SPTAN1: variants seen among roughly 807,000 people sequenced by gnomAD.
SPTAN1 encodes the protein spectrin alpha, non-erythrocytic 1, also known as spectrin alpha chain, non-erythrocytic 1.
A neutral mutation model predicts 331.3 loss-of-function variants in SPTAN1; 61 were observed. The observed-to-expected ratio is 0.18, with a 90% CI of 0.15 to 0.23. The LOEUF is 0.23. Among genes scored for constraint, SPTAN1 ranks in the 10% least tolerant of loss-of-function variants. The pLI is 1.00. For missense variants in SPTAN1, 2,043 were observed against 3,147.9 expected, an observed-to-expected ratio of 0.65 and a Z score of 8.40; for synonymous variants, 1,153 against 1,173.9, an observed-to-expected ratio of 0.98 and a Z score of 0.36.
At chr9:128,624,109 AAAAG>A (rs1371611617) in intron 45 of SPTAN1, among the ~76,000 whole-genome samples, 18 of 145,702 alleles carry the variant, frequency 1.2e-4, no homozygotes, top group Admixed American at 1.1e-3. Flanking sequence ...AAAAAAAAAA[AAAAG>A]AATTCCTAAA....
At chr9:128,554,818 C>G (rs1040208655) in intron 1 of SPTAN1, among the ~76,000 whole-genome samples, 1 of 152,252 alleles carries the variant, frequency 6.6e-6, no homozygotes, top group African/African-American at 2.4e-5. Flanking sequence ...ACCATCACCT[C>G]TCTTCCACCT....
rs774280374 is a variant in SPTAN1, at chr9:128,607,493, A to T, written c.4047-111A>T. ...CTAGCCTCATTCAGTAGATCAGATT[A>T]ACCCAAGATAACTTTCTGAGGCAAG... On this transcript the variant is annotated intron_variant, in intron 31 of 56. Transcript: ENST00000372739. The T allele has an allele frequency of 1.4e-4, 130 of 950,462 alleles. 1 individual carries two copies. Among genetic ancestry groups the T allele is most frequent in the Non-Finnish European group, 2.1e-4 (124 of 582,964 alleles). The allele number at this position is 950,462 out of a possible 1,614,324, so 58.9% of individuals were successfully genotyped here.
In SPTAN1 at chr9:128,585,674, A is replaced by G. The variant is rs1852511415; in HGVS notation, c.2561-74A>G. ...TAATGAAAGTGCCGTGAACACACAG[A>G]GAAAACTTATTTTTGTCCTTCTGTG... On this transcript the variant is annotated intron_variant, in intron 18 of 56. Transcript: ENST00000372739. The G allele has an allele frequency of 2.3e-6, 3 of 1,288,228 alleles. No individual in the cohort carries two copies. In the South Asian group the frequency reaches 3.6e-5, roughly 15 times the overall value. The allele number at this position is 1,288,228 out of a possible 1,614,324, so 79.8% of individuals were successfully genotyped here.
rs771973581 is a variant in SPTAN1, at chr9:128,624,313, C to T, written c.5833-15C>T. ...AGGTAAGGCTGACCAGTGTGTGCCTCTCTCCATGGCCTAGAACAATCACCA... is the reference window on the plus strand; with the variant it reads ...AGGTAAGGCTGACCAGTGTGTGCCTTTCTCCATGGCCTAGAACAATCACCA... On this transcript the variant is annotated splice_polypyrimidine_tract_variant and intron_variant, in intron 45 of 56. Transcript: ENST00000372739. 6.2e-7 allele frequency: 1 copy of T among 1,613,732 alleles called. No individual in the cohort carries two copies.
In SPTAN1 at chr9:128,632,985, T is replaced by C. The variant is rs138965195; in HGVS notation, c.7308+30T>C. 1.2e-3 allele frequency: 1,996 copies of C among 1,607,764 alleles called. 19 individuals are homozygous for C. In the African/African-American group the frequency reaches 0.022, roughly 18 times the overall value. ...GGGCCTCAGGAGGTGGGTGAAGAGG[T>C]GTCCTTTGGAAAACTAAAGCCAAAT... On this transcript the variant is annotated intron_variant, in intron 56 of 56. Transcript: ENST00000372739.
At chr9:128,595,650 C>G (rs954878483) in intron 24 of SPTAN1, among the ~76,000 whole-genome samples, 3 of 152,056 alleles carry the variant, frequency 2.0e-5, no homozygotes, top group African/African-American at 7.2e-5. Context: ...ACCTCTAGTT[C>G]CGAAACATTT....
chr9:128,583,570 C>T (rs1473787423), intron 15 of SPTAN1, among the ~76,000 whole-genome samples: 1 of 152,146 alleles, frequency 6.6e-6, no homozygotes, highest in Non-Finnish European at 1.5e-5. Flanking sequence ...ACTAATTCTC[C>T]AGTGTCCTTA....
chr9:128,575,783 G>A (rs573871245), intron 5 of SPTAN1, among the ~76,000 whole-genome samples: 1 of 152,252 alleles, frequency 6.6e-6, no homozygotes, highest in East Asian at 1.9e-4. Context: ...GTCGTGAATA[G>A]GCTCTCCACT....
chr9:128,624,556 G>A, intron 46 of SPTAN1, 69 bp downstream of exon 46: 10 of 1,572,372 alleles, frequency 6.4e-6, no homozygotes, highest in Non-Finnish European at 7.8e-6. Flanking sequence ...CGTGTCATTG[G>A]TTTTCTTCTG....
chr9:128,616,953 T>C (rs992583534), intron 41 of SPTAN1, among the ~76,000 whole-genome samples: 4 of 151,820 alleles, frequency 2.6e-5, no homozygotes, highest in Non-Finnish European at 5.9e-5. Flanking sequence ...ATATTACTTA[T>C]ATAGCTGGGT....
rs148191896 is a variant in SPTAN1, at chr9:128,608,453, G to GA, written c.4491+177_4491+178insA. Among the ~76,000 whole-genome samples the GA allele has an allele frequency of 2.8e-3, 429 of 152,092 alleles. 10 individuals carry two copies. The East Asian group carries it at 0.041, about 14-fold the overall frequency. On this transcript the variant is annotated intron_variant, in intron 34 of 56. Transcript: ENST00000372739. ...TGGTATTTCTGAGATTTTAATAATG[G>GA]GGGTGCCACAGGAAAAAAAAATATT...
intron 1 of SPTAN1, among the ~76,000 whole-genome samples, chr9:128,560,815 G>A (rs1849230929): frequency 1.4e-5 from 2 of 147,958 alleles, no homozygotes; most frequent in East Asian, 4.3e-4. Flanking sequence ...AGGTCAGTTC[G>A]AGACCAGTCT....
intron 31 of SPTAN1, among the ~76,000 whole-genome samples, chr9:128,606,508 G>A (rs13302706): frequency 0.81 from 118,457 of 146,088 alleles, 48,934 homozygotes; most frequent in Non-Finnish European, 0.9. Flanking sequence ...GGGGGGGGAA[G>A]CGTTTCGCTT....
rs1259396682 is a variant in SPTAN1, at chr9:128,612,159, A to G, written c.4956A>G (p.Ser1652=). 2.5e-6 allele frequency: 4 copies of G among 1,614,116 alleles called. No homozygotes were observed. The highest frequency in any genetic ancestry group is 1.3e-5 in the African/African-American group (1 of 75,020). The change falls in exon 39 of 57, where the codon TCA becomes TCG. Residue 1652 remains serine, a synonymous_variant. Coordinates refer to ENST00000372739, the MANE Select transcript of SPTAN1 (RefSeq NM_001130438.3). ...AGTGGCAGTTCTTGGTGCAAAAGTC[A>G]GCGGAAAAGAGCCAGAAACTGAAAG... is the stretch of plus-strand genomic sequence containing the variant. ...ADQWQFLVQK[S]AEKSQKLKEA... is the part of the protein sequence containing the mutation.
intron 21 of SPTAN1, 141 bp from the exon 22 acceptor site, chr9:128,591,336 G>C: frequency 9.7e-7 from 1 of 1,035,792 alleles, no homozygotes; most frequent in East Asian, 2.5e-5. Flanking sequence ...AAAGTGCTGG[G>C]ATTATAGGTG....
chr9:128,610,008 G>A (rs545486328), intron 37 of SPTAN1, among the ~76,000 whole-genome samples: 2 of 152,304 alleles, frequency 1.3e-5, no homozygotes, highest in Admixed American at 1.3e-4. Flanking sequence ...TTTCTGTGTA[G>A]ACATTGGCTC....
intron 3 of SPTAN1, among the ~76,000 whole-genome samples, chr9:128,573,022 A>G (rs555480308): frequency 2.0e-5 from 3 of 152,094 alleles, no homozygotes; most frequent in South Asian, 2.1e-4. Flanking sequence ...TGACTGTCAC[A>G]TGGTTTTCAG....
At position 128,629,744 on chromosome 9, in the gene SPTAN1, G is replaced by C. The variant is rs1859383823; in HGVS notation, c.6708-577G>C. On this transcript the variant is annotated intron_variant, in intron 51 of 56. Coordinates refer to ENST00000372739, the MANE Select transcript of SPTAN1 (RefSeq NM_001130438.3). This position sits in a 1 kb window ranked among gnomAD's most constrained non-coding sequence, Gnocchi z 4.9. ...CTAGAGGATGGAACCGGGATCTGGG[G>C]TTTAGTCACAGCCATCTCTCTCCTT... 1 of 208,314 alleles carries C rather than the reference G, an allele frequency of 4.8e-6. No homozygotes were observed. Among genetic ancestry groups the C allele is most frequent in the African/African-American group, 2.3e-5 (1 of 43,430 alleles). The allele number at this position is 208,314 out of a possible 1,614,324, so 12.9% of individuals were successfully genotyped here.
In SPTAN1 at chr9:128,577,968, G is replaced by T; in HGVS notation, c.1086-142G>T. The T allele has an allele frequency of 9.1e-7, 1 of 1,094,524 alleles. No homozygotes were observed. Among genetic ancestry groups the T allele is most frequent in the Non-Finnish European group, 1.4e-6 (1 of 730,606 alleles). 67.8% of individuals were successfully genotyped at this position (1,094,524 alleles called of 1,614,324 possible). On this transcript the variant is annotated intron_variant, in intron 8 of 56. Coordinates refer to ENST00000372739, the MANE Select transcript of SPTAN1 (RefSeq NM_001130438.3). The surrounding 1 kb of genome is among the most constrained non-coding windows in gnomAD (Gnocchi z 4.2). ...CTTGCTTTCCTTCACAGTCTAGATT[G>T]GGAAATTTTCATATTTCCCAGAATT...
Sources: gnomAD v4.1 joint callset for allele counts (sites outside exome capture counted in the v4.1 genomes callset) on GRCh38, gnomAD v4.1.1 for gene constraint, Gnocchi (gnomAD v3.1) non-coding constraint, MANE v1.5 for transcripts, NCBI Gene and HGNC (gene_info 2026-07-23, HGNC 2026-07-21) for gene names.